ACTG2: variants seen among roughly 807,000 people sequenced by gnomAD.
ACTG2 encodes actin gamma 2, smooth muscle, also known as actin, gamma-enteric smooth muscle.
Under a neutral mutation model 37.6 loss-of-function variants are expected in ACTG2, and 16 were observed. The observed-to-expected ratio is 0.43, with a 90% CI of 0.29 to 0.65. The LOEUF (loss-of-function observed/expected upper bound fraction) is 0.65. ACTG2 is among the 30% of genes least tolerant of loss of function. The pLI is 0.18. For missense variants in ACTG2, 238 were observed against 490.9 expected (o/e 0.48, Z 4.87); for synonymous variants, 181 against 179.9 (o/e 1.01, Z -0.05).
At chr2:73,906,829 G>A (rs1573467273) in intron 3 of ACTG2, among the ~76,000 whole-genome samples, 1 of 152,082 alleles carries the variant, frequency 6.6e-6, no homozygotes, top group Non-Finnish European at 1.5e-5. Flanking sequence ...AACTTTTAAG[G>A]TATAAAAACT....
chr2:73,903,044 G>C (rs1412724373), intron 3 of ACTG2: 1 of 274,852 alleles, frequency 3.6e-6, no homozygotes, highest in Non-Finnish European at 6.8e-6. Flanking sequence ...TGAGTCTCCA[G>C]TGAAAGTTTC....
intron 3 of ACTG2, chr2:73,902,924 C>A: frequency 1.3e-6 from 1 of 746,610 alleles, no homozygotes; most frequent in African/African-American, 1.8e-5. Flanking sequence ...AGTGCTCACC[C>A]CTTCTTTAAA....
At chr2:73,906,990 G>A in intron 3 of ACTG2, among the ~76,000 whole-genome samples, 1 of 152,130 alleles carries the variant, frequency 6.6e-6, no homozygotes, top group Admixed American at 6.5e-5. Flanking sequence ...AAGACCAGTT[G>A]CTGTCCTTCA....
intron 3 of ACTG2, among the ~76,000 whole-genome samples, chr2:73,903,947 A>C (rs917162943): frequency 7.3e-5 from 7 of 96,308 alleles, no homozygotes; most frequent in Non-Finnish European, 1.3e-4. Context: ...CTCAAAAAAA[A>C]AAAAAAAAAA....
At chr2:73,908,496 GAGA>G (rs1680060826) in intron 3 of ACTG2, 174 bp from the exon 4 acceptor site, 3 of 647,142 alleles carry the variant, frequency 4.6e-6, no homozygotes, top group African/African-American at 3.6e-5. Flanking sequence ...GGGCCCTGTT[GAGA>G]AGGAGTATAC....
chr2:73,895,404 T>C lies in ACTG2; in HGVS notation c.-37+2353T>C, dbSNP rs944288867. Among the ~76,000 whole-genome samples, 60 of 152,212 alleles carry C rather than the reference T, an allele frequency of 3.9e-4. 1 individual carries two copies. The highest frequency in any genetic ancestry group is 1.4e-3 in the African/African-American group (59 of 41,454). ...GTATATATAGAACCTAGTGAAGATATCCTGAAGTTAATTAGAGGTGCTGTT... is the reference window on the plus strand; with the variant it reads ...GTATATATAGAACCTAGTGAAGATACCCTGAAGTTAATTAGAGGTGCTGTT... On this transcript the variant is annotated intron_variant, in intron 1 of 8. Coordinates refer to ENST00000345517, the MANE Select transcript of ACTG2 (RefSeq NM_001615.4).
At chr2:73,897,347 G>C (rs1233315577) in intron 1 of ACTG2, 2 of 152,354 alleles carry the variant, frequency 1.3e-5, no homozygotes, top group Non-Finnish European at 2.9e-5. Context: ...TTGCTGAGGG[G>C]ACCCTAGAGG....
intron 1 of ACTG2, 73 bp from the exon 2 acceptor site, chr2:73,901,203 C>T: frequency 7.8e-7 from 1 of 1,283,836 alleles, no homozygotes; most frequent in Non-Finnish European, 1.0e-6. Context: ...GGGTCAGGCC[C>T]CAAAGCCAAG....
chr2:73,914,558 CAAAAAAAA>C lies in ACTG2; in HGVS notation c.614-110_614-103del, dbSNP rs59417466. ...TGGGTGACAGAGTGAGACTCTGTCT[CAAAAAAAA>C]AAAAAAAAAAAGAATAAAGTAGATG... is the stretch of plus-strand genomic sequence containing the variant. On this transcript the variant is annotated intron_variant, in intron 6 of 8. Transcript: ENST00000345517. The C allele has an allele frequency of 1.3e-4, 67 of 516,138 alleles. 1 individual carries two copies. Among genetic ancestry groups the C allele is most frequent in the Non-Finnish European group, 1.8e-4 (64 of 357,606 alleles). The allele number at this position is 516,138 out of a possible 1,614,324, so 32.0% of individuals were successfully genotyped here.
intron 3 of ACTG2, among the ~76,000 whole-genome samples, chr2:73,904,969 T>C (rs1679988233): frequency 6.6e-6 from 1 of 151,436 alleles, no homozygotes; most frequent in Admixed American, 6.6e-5. Context: ...GAGAACAAAA[T>C]GAATTTTTTT....
intron 8 of ACTG2, among the ~76,000 whole-genome samples, chr2:73,918,343 TA>T (rs1680314498): frequency 1.3e-5 from 2 of 152,164 alleles, no homozygotes; most frequent in African/African-American, 4.8e-5. Context: ...TGTCCAACAA[TA>T]AAATTTGTTA....
intron 1 of ACTG2, among the ~76,000 whole-genome samples, chr2:73,897,998 G>T (rs1462723367): frequency 6.6e-6 from 1 of 152,212 alleles, no homozygotes; most frequent in Admixed American, 6.5e-5. Flanking sequence ...CCATAGCACC[G>T]CCTGTGTGTT....
chr2:73,908,701 TGCGTGTA>T lies in ACTG2; in HGVS notation c.287_293del (p.Arg96HisfsTer14). ...TGGCACCACTCCTTCTACAATGAGC[TGCGTGTA>T]GCACCTGAAGAGCACCCCACCCTGC... On this transcript the variant is annotated frameshift_variant, in exon 4 of 9. Transcript: ENST00000345517. LOFTEE classifies it high-confidence loss of function. 1 of 1,612,054 alleles carries T rather than the reference TGCGTGTA, an allele frequency of 6.2e-7. No homozygotes were observed. The highest frequency in any genetic ancestry group is 2.2e-5 in the East Asian group (1 of 44,880).
At chr2:73,916,364 CT>C (rs1680266282) in intron 7 of ACTG2, among the ~76,000 whole-genome samples, 1 of 126,632 alleles carries the variant, frequency 7.9e-6, no homozygotes, top group Non-Finnish European at 1.7e-5. Flanking sequence ...ACAGAGCAGA[CT>C]CCATCTCAGA....
At chr2:73,893,238 G>A (rs2104796358) in intron 1 of ACTG2, among the ~76,000 whole-genome samples, 187 bp downstream of exon 1, 1 of 152,284 alleles carries the variant, frequency 6.6e-6, no homozygotes, top group East Asian at 1.9e-4. Context: ...TCTGGCCATG[G>A]GACATCCTGG....
intron 5 of ACTG2, among the ~76,000 whole-genome samples, chr2:73,911,496 A>T (rs1008855715): frequency 3.9e-5 from 6 of 152,182 alleles, no homozygotes; most frequent in Non-Finnish European, 7.3e-5. Flanking sequence ...AAAAAAATAA[A>T]AAAATAAAAG....
chr2:73,901,254 C>G, intron 1 of ACTG2, 22 bp from the exon 2 acceptor site: 2 of 1,486,332 alleles, frequency 1.3e-6, no homozygotes, highest in Non-Finnish European at 1.8e-6. Context: ...CTGACTAGTT[C>G]TCTTCTCCCG....
chr2:73,914,746 A>C lies in ACTG2; in HGVS notation c.680A>C (p.Glu227Ala). The change falls in exon 7 of 9, where the codon GAG (glutamate) becomes GCG (alanine). Residue 227 changes from glutamate (E) to alanine (A), a missense_variant. Coordinates refer to ENST00000345517, the MANE Select transcript of ACTG2 (RefSeq NM_001615.4). ...TATGTGGCCCTGGATTTTGAGAATG[A>C]GATGGCCACAGCAGCTTCCTCTTCC... Reference protein sequence around the residue: ...LCYVALDFENEMATAASSSSL... With the variant: ...LCYVALDFENAMATAASSSSL... The C allele has an allele frequency of 6.2e-7, 1 of 1,612,242 alleles. No homozygotes were observed. Among genetic ancestry groups the C allele is most frequent in the Non-Finnish European group, 8.5e-7 (1 of 1,179,078 alleles).
intron 8 of ACTG2, among the ~76,000 whole-genome samples, chr2:73,917,769 C>G (rs1385797059): frequency 6.6e-6 from 1 of 152,192 alleles, no homozygotes; most frequent in African/African-American, 2.4e-5. Flanking sequence ...AGCAAACCAG[C>G]AGGAAACTGG....
Sources: allele counts gnomAD v4.1 joint callset (sites outside exome capture counted in the v4.1 genomes callset), GRCh38; gene constraint gnomAD v4.1.1; transcripts MANE v1.5; gene names NCBI Gene and HGNC (gene_info 2026-07-23, HGNC 2026-07-21).